The following LGSN variants were observed in gnomAD, a reference collection of about 807,000 sequenced individuals.
LGSN encodes lengsin.
LGSN carries 21 observed loss-of-function variants against 19.5 expected under a neutral mutation model. That is an observed-to-expected ratio of 1.07 (90% CI 0.76 to 1.55). LGSN has a LOEUF of 1.55. Ranked by LOEUF, LGSN falls within the 40% of genes most tolerant of loss-of-function variation. The pLI is 0.00. For synonymous variants in LGSN, 257 were observed against 215.6 expected (o/e 1.19, Z -1.68); for missense variants, 673 against 608.5 (o/e 1.11, Z -1.12).
the LGSN span, among the ~76,000 whole-genome samples, chr6:63,404,718 T>C: frequency 6.6e-6 from 1 of 152,158 alleles, no homozygotes; most frequent in South Asian, 2.1e-4. Flanking sequence ...CCTTAGGAGT[T>C]AGAATTTCAA....
At chr6:63,491,392 C>T in the LGSN span, among the ~76,000 whole-genome samples, 1 of 152,124 alleles carries the variant, frequency 6.6e-6, no homozygotes, top group Non-Finnish European at 1.5e-5. Flanking sequence ...CCTGCGTAAG[C>T]TGGAAGACCC....
the LGSN span, among the ~76,000 whole-genome samples, chr6:63,391,513 C>A: frequency 1.8e-4 from 28 of 152,186 alleles, no homozygotes; most frequent in African/African-American, 6.5e-4. Flanking sequence ...ACCTCTGTAT[C>A]CTCCAACACT....
chr6:63,494,954 G>A, the LGSN span, among the ~76,000 whole-genome samples: 1 of 152,108 alleles, frequency 6.6e-6, no homozygotes, highest in African/African-American at 2.4e-5. Flanking sequence ...ATATTTATAA[G>A]TTTAAATCTC....
the LGSN span, among the ~76,000 whole-genome samples, chr6:63,468,356 G>A: frequency 6.6e-6 from 1 of 152,068 alleles, no homozygotes; most frequent in Non-Finnish European, 1.5e-5. Context: ...TCGAACTCCT[G>A]ACCTCAAGTG....
chr6:63,387,536 G>A, the LGSN span, among the ~76,000 whole-genome samples: 2 of 151,972 alleles, frequency 1.3e-5, no homozygotes, highest in Non-Finnish European at 2.9e-5. Flanking sequence ...CAGAGGTCCT[G>A]GAACTAACCC....
At chr6:63,348,458 G>GA in the LGSN span, among the ~76,000 whole-genome samples, 27 of 144,606 alleles carry the variant, frequency 1.9e-4, no homozygotes, top group South Asian at 4.4e-4. Flanking sequence ...TGTCTCAAAA[G>GA]AAAAAAAAAA....
the LGSN span, among the ~76,000 whole-genome samples, chr6:63,540,173 T>C: frequency 6.6e-6 from 1 of 152,196 alleles, no homozygotes; most frequent in African/African-American, 2.4e-5. Context: ...GTGTGCATGG[T>C]TGGAGAGTGA....
chr6:63,495,939 A>T, the LGSN span, among the ~76,000 whole-genome samples: 1,012 of 148,100 alleles, frequency 6.8e-3, 9 homozygotes, highest in South Asian at 0.026. Context: ...ATTTTTTTAA[A>T]AAAAAAAGAC....
chr6:63,470,933 CTT>C, the LGSN span, among the ~76,000 whole-genome samples: 1,345 of 73,018 alleles, frequency 0.018, 7 homozygotes, highest in African/African-American at 0.059. Context: ...TTCAGTCTTT[CTT>C]TTTTTTTTTT....
At chr6:63,395,675 C>A in the LGSN span, 1 of 153,522 alleles carries the variant, frequency 6.5e-6, no homozygotes, top group South Asian at 1.9e-4. Flanking sequence ...TGAGTGTGCT[C>A]TGCTAGCAGG....
chr6:63,549,998 A>T, the LGSN span, among the ~76,000 whole-genome samples: 2 of 152,344 alleles, frequency 1.3e-5, no homozygotes, highest in Admixed American at 1.3e-4. Flanking sequence ...GTTTGAGATG[A>T]GGAACACACT....
chr6:63,419,359 C>T, the LGSN span, among the ~76,000 whole-genome samples: 1 of 152,116 alleles, frequency 6.6e-6, no homozygotes, highest in Admixed American at 6.6e-5. Flanking sequence ...CAACCATAAA[C>T]GATTACGAAG....
Position 63,280,788 on chromosome 6 carries a change from C to T in LGSN, c.763G>A (p.Glu255Lys), listed in dbSNP as rs775641248. Reference sequence around the variant, plus strand: ...GGCCTGGTAGAGGAGGAAAAACTCTCGACATTGGCTCCAGTGTGATACAAG... The same window carrying T: ...GGCCTGGTAGAGGAGGAAAAACTCTTGACATTGGCTCCAGTGTGATACAAG... ...DGLYHTGANVESFSSSTRPGQ... is the reference protein window; with the variant it reads ...DGLYHTGANVKSFSSSTRPGQ... The change falls in exon 4 of 4, where the codon GAG (glutamate) becomes AAG (lysine). Residue 255 changes from glutamate (E) to lysine (K), a missense_variant. By Grantham distance (56) the Glu-to-Lys change is moderately conservative (BLOSUM62 1). Transcript: ENST00000370657. The T allele has an allele frequency of 4.7e-5, 76 of 1,613,874 alleles. No homozygotes were observed. The highest frequency in any genetic ancestry group is 3.3e-4 in the Middle Eastern group (2 of 6,084).
At chr6:63,527,773 T>A in the LGSN span, 12 of 152,202 alleles carry the variant, frequency 7.9e-5, no homozygotes, top group African/African-American at 2.9e-4. Context: ...ACAGTGACGA[T>A]AACAGTGATG....
the LGSN span, among the ~76,000 whole-genome samples, chr6:63,528,648 C>G: frequency 6.6e-6 from 1 of 152,092 alleles, no homozygotes; most frequent in Non-Finnish European, 1.5e-5. Flanking sequence ...GTCATCCCAG[C>G]TACTCAGGAG....
the LGSN span, among the ~76,000 whole-genome samples, chr6:63,362,305 G>A: frequency 6.6e-6 from 1 of 152,230 alleles, no homozygotes; most frequent in African/African-American, 2.4e-5. Flanking sequence ...CAACACAGAA[G>A]ACGGGTGATT....
At chr6:63,344,877 A>G in the LGSN span, among the ~76,000 whole-genome samples, 35 of 152,216 alleles carry the variant, frequency 2.3e-4, no homozygotes, top group Non-Finnish European at 4.4e-4. Flanking sequence ...ATAAGCACAC[A>G]TAATACTGTA....
At chr6:63,387,139 G>A in the LGSN span, among the ~76,000 whole-genome samples, 2 of 151,976 alleles carry the variant, frequency 1.3e-5, no homozygotes, top group Non-Finnish European at 2.9e-5. Context: ...TAAGGAAAAC[G>A]AGCAAAGGTA....
Position 63,285,574 on chromosome 6 carries a change from G to T in LGSN, c.330+13C>A. On this transcript the variant is annotated intron_variant, in intron 3 of 3. Transcript: ENST00000370657. ...CATGAAATTACATTTAGTCACAACTGTGTAAAACTCACTTGAAAAAAGTGT... is the reference window on the plus strand; with the variant it reads ...CATGAAATTACATTTAGTCACAACTTTGTAAAACTCACTTGAAAAAAGTGT... The T allele has an allele frequency of 6.2e-7, 1 of 1,604,220 alleles. No homozygotes were observed. The highest frequency in any genetic ancestry group is 8.5e-7 in the Non-Finnish European group (1 of 1,171,728).
Sources: gnomAD v4.1 joint callset for allele counts (sites outside exome capture counted in the v4.1 genomes callset) on GRCh38, gnomAD v4.1.1 for gene constraint, MANE v1.5 for transcripts, NCBI Gene and HGNC (gene_info 2026-07-23, HGNC 2026-07-21) for gene names.